Variants in MRPL22 observed in about 807,000 individuals in gnomAD.
The protein encoded by MRPL22 is mitochondrial ribosomal protein L22, also known as large ribosomal subunit protein uL22m.
MRPL22 carries 27 observed loss-of-function variants against 32.4 expected under a neutral mutation model. The observed-to-expected ratio is 0.83, with a 90% confidence interval of 0.61 to 1.15. The LOEUF (loss-of-function observed/expected upper bound fraction) is 1.15, where lower values mean the gene tolerates loss of function less well. MRPL22 is among the 50% of genes most tolerant of loss of function. The probability of loss-of-function intolerance (pLI) is 0.00; values close to 1 mark genes in which losing one functional copy is unlikely to be tolerated. For synonymous variants in MRPL22, 86 were observed against 87.3 expected, an observed-to-expected ratio of 0.99 and a Z score of 0.08; for missense variants, 239 against 260.2, an observed-to-expected ratio of 0.92 and a Z score of 0.56.
At chr5:154,960,354 A>T (rs1043504945) in intron 6 of MRPL22, among the ~76,000 whole-genome samples, 1 of 152,242 alleles carries the variant, frequency 6.6e-6, no homozygotes, top group African/African-American at 2.4e-5. Context: ...TATTATAACA[A>T]ATAGTATTAA....
At chr5:154,957,726 G>A (rs959396463) in intron 5 of MRPL22, among the ~76,000 whole-genome samples, 16 of 151,708 alleles carry the variant, frequency 1.1e-4, no homozygotes, top group African/African-American at 4.8e-5. Context: ...TCTTGTGACC[G>A]TGGGCAAGAC....
At chr5:154,957,855 G>T (rs1428582183) in intron 5 of MRPL22, among the ~76,000 whole-genome samples, 1 of 151,046 alleles carries the variant, frequency 6.6e-6, no homozygotes, top group Non-Finnish European at 1.5e-5. Context: ...TGTGCTGATG[G>T]TAATTGTGGT....
intron 2 of MRPL22, among the ~76,000 whole-genome samples, chr5:154,947,022 G>A (rs556086131): frequency 3.7e-4 from 4 of 10,940 alleles, no homozygotes; most frequent in South Asian, 3.4e-3. Context: ...ATTGTAGGAT[G>A]CACTAAATTA....
At chr5:154,959,428 C>G (rs1764673394) in intron 5 of MRPL22, among the ~76,000 whole-genome samples, 2 of 152,172 alleles carry the variant, frequency 1.3e-5, no homozygotes, top group Admixed American at 1.3e-4. Context: ...ACTGCAGCCT[C>G]CACCTCCTGG....
Position 154,968,280 on chromosome 5 carries a change from G to A in MRPL22, c.*1383G>A, listed in dbSNP as rs1329037263. 6.6e-6 allele frequency: 1 copy of A among 152,182 alleles called. No homozygotes were observed. Among genetic ancestry groups the A allele is most frequent in the Non-Finnish European group, 1.5e-5 (1 of 68,032 alleles). The allele number at this position is 152,182 out of a possible 1,614,324, so 9.4% of individuals were successfully genotyped here. On this transcript the variant is annotated 3_prime_UTR_variant, in exon 7 of 7. Coordinates refer to ENST00000523037, the MANE Select transcript of MRPL22 (RefSeq NM_014180.4). ...ATGCATGGGTAAAAAGACATCAGGG[G>A]TCAGTGGAATAAACCAAGGTGTAGG...
At chr5:154,960,103 GT>G in intron 6 of MRPL22, 54 bp downstream of exon 6, 1 of 1,273,602 alleles carries the variant, frequency 7.9e-7, no homozygotes, top group Non-Finnish European at 1.1e-6. Flanking sequence ...GTAATGCCAT[GT>G]TTTTTATCTA....
chr5:154,947,915 G>C (rs1764513455), intron 2 of MRPL22, among the ~76,000 whole-genome samples: 1 of 152,196 alleles, frequency 6.6e-6, no homozygotes, highest in Non-Finnish European at 1.5e-5. Context: ...TCATTCAGGA[G>C]ATAATAAGAC....
intron 2 of MRPL22, 65 bp downstream of exon 2, chr5:154,941,330 A>G (rs1764412482): frequency 4.4e-6 from 7 of 1,600,270 alleles, no homozygotes; most frequent in African/African-American, 2.7e-5. Context: ...CCAGTTGGTA[A>G]CTGAGCGCCT....
Position 154,968,554 on chromosome 5 carries a change from C to A in MRPL22, c.*1657C>A, listed in dbSNP as rs1764803249. The A allele has an allele frequency of 6.6e-6, 1 of 152,198 alleles. No homozygotes were observed. Among genetic ancestry groups the A allele is most frequent in the South Asian group, 2.1e-4 (1 of 4,828 alleles). 9.4% of individuals were successfully genotyped at this position (152,198 alleles called of 1,614,324 possible). On this transcript the variant is annotated 3_prime_UTR_variant, in exon 7 of 7. Transcript: ENST00000523037. ...AAAATGCAAATTCCTGGGCTCTACT[C>A]TCAGACTAAGTGAATCAGAAGCTTT... is the stretch of plus-strand genomic sequence containing the variant.
chr5:154,941,406 T>A, intron 2 of MRPL22, 141 bp downstream of exon 2: 1 of 1,044,128 alleles, frequency 9.6e-7, no homozygotes, highest in South Asian at 1.6e-5. Flanking sequence ...AGTCTCTGCT[T>A]TGTCACTCTA....
chr5:154,948,821 CTTCA>C (rs1452721101), intron 2 of MRPL22, among the ~76,000 whole-genome samples: 1 of 152,178 alleles, frequency 6.6e-6, no homozygotes, highest in East Asian at 1.9e-4. Context: ...CATTCTTTCT[CTTCA>C]TTCACCAGTT....
At chr5:154,960,226 A>G (rs1215981074) in intron 6 of MRPL22, among the ~76,000 whole-genome samples, 177 bp downstream of exon 6, 1 of 152,188 alleles carries the variant, frequency 6.6e-6, no homozygotes, top group African/African-American at 2.4e-5. Flanking sequence ...TGTAAATGAC[A>G]ATAACTGTAC....
intron 3 of MRPL22, chr5:154,955,272 A>G (rs1764617117): frequency 6.6e-6 from 1 of 152,334 alleles, no homozygotes; most frequent in East Asian, 1.9e-4. Context: ...AATCTGCCAC[A>G]TATTAAAAGA....
Position 154,948,547 on chromosome 5 carries a change from T to C in MRPL22, c.78-2274T>C, listed in dbSNP as rs149183983. 8.5e-4 allele frequency among the ~76,000 whole-genome samples: 129 copies of C among 152,360 alleles called. 2 individuals carry two copies. The highest frequency in any genetic ancestry group is 3.0e-3 in the African/African-American group (126 of 41,592). On this transcript the variant is annotated intron_variant, in intron 2 of 6. Coordinates refer to ENST00000523037, the MANE Select transcript of MRPL22 (RefSeq NM_014180.4). ...GTTGTCTTTTCTCTGTGTTTCCTATTTTGAATCTAGGGGCTTGAGCCCCCA... is the reference window on the plus strand; with the variant it reads ...GTTGTCTTTTCTCTGTGTTTCCTATCTTGAATCTAGGGGCTTGAGCCCCCA...
rs1354550218 is a variant in MRPL22, at chr5:154,968,488, T to C, written c.*1591T>C. The C allele has an allele frequency of 6.6e-6, 1 of 152,256 alleles. No individual in the cohort carries two copies. Among genetic ancestry groups the C allele is most frequent in the African/African-American group, 2.4e-5 (1 of 41,466 alleles). 9.4% of individuals were successfully genotyped at this position (152,256 alleles called of 1,614,324 possible). On this transcript the variant is annotated 3_prime_UTR_variant, in exon 7 of 7. Coordinates refer to ENST00000523037, the MANE Select transcript of MRPL22 (RefSeq NM_014180.4). ...ATGAAACAAGAGACTCAATGTTCTC[T>C]GTAGAAAACCTTTTTTAGAATCACT...
chr5:154,960,073 A>G (rs1287346012), intron 6 of MRPL22, 24 bp downstream of exon 6: 2 of 1,514,170 alleles, frequency 1.3e-6, no homozygotes, highest in Non-Finnish European at 1.8e-6. Flanking sequence ...TATTCTTAGC[A>G]TTAGAAAATG....
rs1017271193 is a variant in MRPL22 at position 154,959,853 on chromosome 5, C to G, written c.340-127C>G. ...TTGTACTCTTATCATTTGATATTGT[C>G]TTTTTAAAATTGACTATGGAAGCAT... On this transcript the variant is annotated intron_variant, in intron 5 of 6. Coordinates refer to ENST00000523037, the MANE Select transcript of MRPL22 (RefSeq NM_014180.4). 6.1e-6 allele frequency: 4 copies of G among 652,968 alleles called. No homozygotes were observed. In the African/African-American group the frequency reaches 7.3e-5, roughly 12 times the overall value. The allele number at this position is 652,968 out of a possible 1,614,324, so 40.4% of individuals were successfully genotyped here.
At chr5:154,960,675 T>C (rs1039157348) in intron 6 of MRPL22, among the ~76,000 whole-genome samples, 3 of 152,242 alleles carry the variant, frequency 2.0e-5, no homozygotes, top group South Asian at 2.1e-4. Context: ...CATGATGTGC[T>C]GTACAAATGT....
intron 3 of MRPL22, among the ~76,000 whole-genome samples, chr5:154,952,422 A>G (rs1764575904): frequency 1.3e-5 from 2 of 152,192 alleles, no homozygotes; most frequent in Admixed American, 6.5e-5. Context: ...TAATGAAACT[A>G]TTTTGATTAA....
Sources: allele counts gnomAD v4.1 joint callset (sites outside exome capture counted in the v4.1 genomes callset), GRCh38; gene constraint gnomAD v4.1.1; transcripts MANE v1.5; gene names NCBI Gene and HGNC (gene_info 2026-07-23, HGNC 2026-07-21).